Variants in UNC5C observed in about 807,000 individuals in gnomAD.
UNC5C encodes netrin receptor UNC5C.
In UNC5C, 47 loss-of-function variants were observed where a neutral mutation model predicts 99.8. That is an observed-to-expected ratio of 0.47 (90% confidence interval 0.37 to 0.60). The LOEUF is 0.60. Ranked by LOEUF, UNC5C falls within the 20% of genes least tolerant of loss-of-function variation. The probability of loss-of-function intolerance (pLI) is 0.00; values close to 1 mark genes in which losing one functional copy is unlikely to be tolerated. For synonymous variants in UNC5C, 487 were observed against 452.2 expected (o/e 1.08, Z -0.98); for missense variants, 1,062 against 1,165.9 (o/e 0.91, Z 1.30).
intron 12 of UNC5C, among the ~76,000 whole-genome samples, chr4:95,186,185 A>G (rs1342848731): frequency 6.6e-6 from 1 of 152,188 alleles, no homozygotes; most frequent in African/African-American, 2.4e-5. Flanking sequence ...AATGGTACAA[A>G]TACACAGGAA....
chr4:95,232,733 G>A (rs959576399), intron 7 of UNC5C, among the ~76,000 whole-genome samples: 1 of 152,128 alleles, frequency 6.6e-6, no homozygotes, highest in Non-Finnish European at 1.5e-5. Context: ...CCAGGAAAAT[G>A]TTTTACCAGA....
chr4:95,390,088 G>A (rs1199990956), intron 1 of UNC5C, among the ~76,000 whole-genome samples: 2 of 152,046 alleles, frequency 1.3e-5, no homozygotes, highest in African/African-American at 4.8e-5. Flanking sequence ...CTCCATTCTA[G>A]TTGCTACAGT....
At chr4:95,367,289 C>A (rs1232928223) in intron 1 of UNC5C, among the ~76,000 whole-genome samples, 1 of 151,534 alleles carries the variant, frequency 6.6e-6, no homozygotes, top group Non-Finnish European at 1.5e-5. Flanking sequence ...CCACCTTAGC[C>A]TCACAAGTAG....
chr4:95,435,317 T>G (rs564880034), intron 1 of UNC5C, among the ~76,000 whole-genome samples: 50 of 87,596 alleles, frequency 5.7e-4, no homozygotes, highest in African/African-American at 1.6e-3. Context: ...CATTTAATTA[T>G]GTTTATGTTA....
intron 1 of UNC5C, among the ~76,000 whole-genome samples, chr4:95,469,890 T>A (rs948728093): frequency 2.0e-5 from 3 of 152,126 alleles, no homozygotes; most frequent in African/African-American, 7.2e-5. Flanking sequence ...ATAAATAGCA[T>A]CAAAGAGTGT....
chr4:95,509,926 A>G (rs1722025603), intron 1 of UNC5C, among the ~76,000 whole-genome samples: 1 of 151,950 alleles, frequency 6.6e-6, no homozygotes, highest in South Asian at 2.1e-4. Flanking sequence ...TTTCACGTCG[A>G]TAATTACAAT....
At chr4:95,199,656 G>T (rs1180145669) in intron 12 of UNC5C, among the ~76,000 whole-genome samples, 2 of 152,146 alleles carry the variant, frequency 1.3e-5, no homozygotes, top group Non-Finnish European at 2.9e-5. Context: ...ATGTATTTGT[G>T]TGTGTTTATT....
At chr4:95,243,033 T>C (rs1165420755) in intron 6 of UNC5C, among the ~76,000 whole-genome samples, 1 of 152,180 alleles carries the variant, frequency 6.6e-6, no homozygotes, top group Non-Finnish European at 1.5e-5. Context: ...GTTGGTACGG[T>C]GGAGAAGAAA....
At chr4:95,527,556 C>A (rs984893389) in intron 1 of UNC5C, among the ~76,000 whole-genome samples, 20 of 151,872 alleles carry the variant, frequency 1.3e-4, no homozygotes, top group Non-Finnish European at 2.9e-4. Context: ...ATATAGCTGT[C>A]AATTCAATAC....
chr4:95,327,821 A>G (rs1039480146), intron 2 of UNC5C, among the ~76,000 whole-genome samples: 2 of 151,934 alleles, frequency 1.3e-5, no homozygotes, highest in Non-Finnish European at 2.9e-5. Context: ...TCTGCCACTT[A>G]ATAAAATCCT....
At chr4:95,369,191 C>A (rs1267316234) in intron 1 of UNC5C, among the ~76,000 whole-genome samples, 1 of 55,176 alleles carries the variant, frequency 1.8e-5, no homozygotes, top group African/African-American at 2.1e-4. Context: ...TTTCTGCAAT[C>A]TCAATTTGGT....
chr4:95,460,786 T>C (rs1411066705), intron 1 of UNC5C, among the ~76,000 whole-genome samples: 2 of 152,154 alleles, frequency 1.3e-5, no homozygotes, highest in African/African-American at 4.8e-5. Context: ...CAAAATCCCT[T>C]TTGACAAACA....
At chr4:95,344,015 T>C (rs904990370) in intron 1 of UNC5C, among the ~76,000 whole-genome samples, 13 of 151,786 alleles carry the variant, frequency 8.6e-5, no homozygotes, top group Non-Finnish European at 5.9e-5. Context: ...GATATAAAGG[T>C]AGAAAGTTTA....
At chr4:95,442,375 T>A (rs1746975171) in intron 1 of UNC5C, among the ~76,000 whole-genome samples, 1 of 149,928 alleles carries the variant, frequency 6.7e-6, no homozygotes, top group South Asian at 2.1e-4. Flanking sequence ...GCTAATTTTT[T>A]TTTTTTTTTT....
intron 1 of UNC5C, among the ~76,000 whole-genome samples, chr4:95,354,075 A>C (rs1744082610): frequency 6.6e-6 from 1 of 152,132 alleles, no homozygotes; most frequent in Non-Finnish European, 1.5e-5. Context: ...ACATAAAAAC[A>C]ACGAAGTTCT....
At chr4:95,331,461 C>A (rs992684180) in intron 2 of UNC5C, among the ~76,000 whole-genome samples, 2 of 152,082 alleles carry the variant, frequency 1.3e-5, no homozygotes, top group African/African-American at 4.8e-5. Flanking sequence ...AAAGGTAATA[C>A]CTACATGAGT....
chr4:95,288,755 A>C (rs1038322924), intron 3 of UNC5C, among the ~76,000 whole-genome samples: 3 of 152,118 alleles, frequency 2.0e-5, no homozygotes, highest in Admixed American at 2.0e-4. Flanking sequence ...CTGTGGTTAC[A>C]CTGCATTCTC....
chr4:95,477,155 G>A (rs898665944), intron 1 of UNC5C, among the ~76,000 whole-genome samples: 1 of 152,050 alleles, frequency 6.6e-6, no homozygotes, highest in African/African-American at 2.4e-5. Flanking sequence ...TTGGGAAGGA[G>A]AAGATTTTGC....
intron 14 of UNC5C, among the ~76,000 whole-genome samples, chr4:95,173,407 T>C (rs1736204216): frequency 6.7e-6 from 1 of 148,820 alleles, no homozygotes; most frequent in Non-Finnish European, 1.5e-5. Context: ...TATTTTGAGA[T>C]ACGTCCCATC....
Sources: gnomAD v4.1 joint callset for allele counts (sites outside exome capture counted in the v4.1 genomes callset) on GRCh38, gnomAD v4.1.1 for gene constraint, MANE v1.5 for transcripts, NCBI Gene and HGNC (gene_info 2026-07-23, HGNC 2026-07-21) for gene names.